Variants in COL14A1 observed in about 807,000 individuals in gnomAD.
COL14A1 encodes the protein collagen alpha-1(XIV) chain.
Under a neutral mutation model 230.3 loss-of-function variants are expected in COL14A1, and 136 were observed. The ratio of observed to expected loss-of-function variants is 0.59; its 90% CI spans 0.51 to 0.68. COL14A1 has a LOEUF of 0.68. Among genes scored for constraint, COL14A1 ranks in the 30% least tolerant of loss-of-function variants. The pLI is 0.00. For missense variants in COL14A1, 1,976 were observed against 2,215.8 expected, an observed-to-expected ratio of 0.89 and a Z score of 2.17; for synonymous variants, 792 against 784.1, an observed-to-expected ratio of 1.01 and a Z score of -0.17.
intron 40 of COL14A1, among the ~76,000 whole-genome samples, chr8:120,319,978 C>T (rs1038330245): frequency 6.6e-6 from 1 of 152,110 alleles, no homozygotes; most frequent in African/African-American, 2.4e-5. Context: ...CATCTCCTTC[C>T]TCTTCTTTTC....
At chr8:120,232,244 A>G (rs1472666761) in intron 19 of COL14A1, among the ~76,000 whole-genome samples, 1 of 152,048 alleles carries the variant, frequency 6.6e-6, no homozygotes, top group African/African-American at 2.4e-5. Context: ...CTTTTTCTAA[A>G]TGATACACTC....
chr8:120,245,845 C>A (rs1818746070), intron 20 of COL14A1, among the ~76,000 whole-genome samples: 1 of 152,126 alleles, frequency 6.6e-6, no homozygotes, highest in Admixed American at 6.5e-5. Context: ...CATGTCAGCT[C>A]AGGACTGTAA....
intron 11 of COL14A1, 137 bp from the exon 12 acceptor site, chr8:120,209,619 A>G: frequency 1.2e-6 from 1 of 825,184 alleles, no homozygotes; most frequent in Non-Finnish European, 1.8e-6. Context: ...GCATTGTTTA[A>G]CCCAGGAACT....
At chr8:120,200,347 T>C (rs1056922815) in intron 8 of COL14A1, among the ~76,000 whole-genome samples, 13 of 152,032 alleles carry the variant, frequency 8.6e-5, no homozygotes, top group African/African-American at 2.4e-4. Context: ...GTGATCAATC[T>C]TTAGTCCAAA....
rs541818817 is a variant in COL14A1, at chr8:120,326,883, G to A, written c.4660-5258G>A. On this transcript the variant is annotated intron_variant, in intron 40 of 47. Coordinates refer to ENST00000297848, the MANE Select transcript of COL14A1 (RefSeq NM_021110.4). ...TCTACAAAAAATACAAAAATTAGCC[G>A]GGTGTGGTGGTGCATGTCTGTAATC... Among the ~76,000 whole-genome samples, 13 of 152,130 alleles carry A rather than the reference G, an allele frequency of 8.5e-5. No individual in the cohort carries two copies. In the South Asian group the frequency reaches 2.3e-3, roughly 27 times the overall value.
At chr8:120,356,467 T>A (rs1822989180) in intron 45 of COL14A1, among the ~76,000 whole-genome samples, 1 of 152,246 alleles carries the variant, frequency 6.6e-6, no homozygotes, top group Admixed American at 6.5e-5. Context: ...ACTCCATTCA[T>A]TCATTCAGTG....
At chr8:120,255,425 T>A (rs1819113580) in intron 23 of COL14A1, 69 bp downstream of exon 23, 3 of 1,157,778 alleles carry the variant, frequency 2.6e-6, no homozygotes, top group Non-Finnish European at 3.9e-6. Flanking sequence ...CACCACTGTG[T>A]ACAACACACA....
In COL14A1 at chr8:120,340,073, ATGTG is replaced by A. The variant is rs1457290548; in HGVS notation, c.4786-1246_4786-1243del. On this transcript the variant is annotated intron_variant, in intron 42 of 47. Transcript: ENST00000297848. ...AAAAAAAAAAAGTGTGTGGGTGTGT[ATGTG>A]TGTGTATGTGGTGTATGTTTGTGAG... Among the ~76,000 whole-genome samples, 6 of 140,252 alleles carry A rather than the reference ATGTG, an allele frequency of 4.3e-5. No homozygotes were observed. In the Admixed American group the frequency reaches 4.3e-4, roughly 10 times the overall value. The allele number at this position is 140,252 out of a possible 152,430, so 92.0% of individuals were successfully genotyped here. A position where few individuals can be genotyped will look rare whatever the true frequency, so the allele number is the denominator to read the frequency against.
At chr8:120,222,496 TC>T (rs1407754240) in intron 14 of COL14A1, among the ~76,000 whole-genome samples, 2 of 152,150 alleles carry the variant, frequency 1.3e-5, no homozygotes, top group African/African-American at 4.8e-5. Context: ...TGACTTCATA[TC>T]CATGTGTGAC....
At chr8:120,158,901 A>G (rs1395462496) in intron 3 of COL14A1, among the ~76,000 whole-genome samples, 1 of 152,130 alleles carries the variant, frequency 6.6e-6, no homozygotes, top group African/African-American at 2.4e-5. Context: ...TAATAAGCTA[A>G]AATAATACAG....
chr8:120,236,997 C>T (rs1395592360), intron 19 of COL14A1, among the ~76,000 whole-genome samples: 4 of 152,200 alleles, frequency 2.6e-5, no homozygotes, highest in Admixed American at 1.3e-4. Flanking sequence ...GCTGTTAGAC[C>T]GATGGGCTTC....
intron 45 of COL14A1, among the ~76,000 whole-genome samples, chr8:120,356,476 T>C (rs1236018676): frequency 6.6e-6 from 1 of 152,232 alleles, no homozygotes; most frequent in Non-Finnish European, 1.5e-5. Flanking sequence ...ATTCATTCAG[T>C]GGTACTTACT....
intron 18 of COL14A1, among the ~76,000 whole-genome samples, chr8:120,230,368 T>C: frequency 6.6e-6 from 1 of 152,188 alleles, no homozygotes; most frequent in African/African-American, 2.4e-5. Context: ...ATATCATTTA[T>C]TTACTTCTCT....
chr8:120,276,769 G>T (rs1416458074), intron 26 of COL14A1, among the ~76,000 whole-genome samples: 2 of 151,630 alleles, frequency 1.3e-5, no homozygotes, highest in Non-Finnish European at 2.9e-5. Context: ...CACCAACATG[G>T]CACATGTATA....
At position 120,250,645 on chromosome 8, in the gene COL14A1, G is replaced by A; in HGVS notation, c.2631G>A (p.Val877=). 8 of 1,614,176 alleles carry A rather than the reference G, an allele frequency of 5.0e-6. No individual in the cohort carries two copies. The highest frequency in any genetic ancestry group is 6.8e-6 in the Non-Finnish European group (8 of 1,180,034). Residue 877 remains valine, a synonymous_variant, in exon 22 of 48, where the codon GTG becomes GTA. Transcript: ENST00000297848. ...SVPGPTLETF[V]GADINTILIT... ...CTGGTCCAACACTGGAAACGTTTGT[G>A]GGAGCTGACATTAACACCATCCTTA...
chr8:120,194,610 A>G (rs530218307), intron 5 of COL14A1, among the ~76,000 whole-genome samples: 1 of 152,332 alleles, frequency 6.6e-6, no homozygotes, highest in South Asian at 2.1e-4. Context: ...AGCTAAATAA[A>G]CAGAAAATAT....
At chr8:120,320,324 A>G (rs987784656) in intron 40 of COL14A1, among the ~76,000 whole-genome samples, 42 of 152,194 alleles carry the variant, frequency 2.8e-4, no homozygotes, top group Non-Finnish European at 3.1e-4. Flanking sequence ...TGTACTTGAC[A>G]CGTCGAGATG....
intron 22 of COL14A1, among the ~76,000 whole-genome samples, chr8:120,252,073 C>A (rs1045081088): frequency 1.6e-4 from 24 of 151,690 alleles, no homozygotes; most frequent in African/African-American, 5.6e-4. Flanking sequence ...GATCTGCAAT[C>A]TTCAATGTGA....
At chr8:120,258,482 G>T (rs949713502) in intron 23 of COL14A1, among the ~76,000 whole-genome samples, 1 of 152,104 alleles carries the variant, frequency 6.6e-6, no homozygotes, top group Non-Finnish European at 1.5e-5. Flanking sequence ...ATCTGGTGGT[G>T]GTGGCTGGAG....
Sources: gnomAD v4.1 joint callset for allele counts (sites outside exome capture counted in the v4.1 genomes callset) on GRCh38, gnomAD v4.1.1 for gene constraint, MANE v1.5 for transcripts, NCBI Gene and HGNC (gene_info 2026-07-23, HGNC 2026-07-21) for gene names.